The following NPAS1 variants were observed in gnomAD, a reference collection of about 807,000 sequenced individuals.
NPAS1 encodes neuronal PAS domain protein 1.
In NPAS1, 29 loss-of-function variants were observed where a neutral mutation model predicts 49.2. The ratio of observed to expected loss-of-function variants is 0.59; its 90% CI spans 0.44 to 0.80. The LOEUF (loss-of-function observed/expected upper bound fraction) is 0.80, where lower values mean the gene tolerates loss of function less well. Among genes scored for constraint, NPAS1 ranks in the 30% least tolerant of loss-of-function variants. The pLI, the probability that NPAS1 is intolerant of heterozygous loss-of-function variation, is 0.00. For missense variants in NPAS1, 825 were observed against 835.5 expected (o/e 0.99, Z 0.15); for synonymous variants, 408 against 380.4 (o/e 1.07, Z -0.84).
rs1421979672 is a variant in NPAS1, at chr19:47,025,440, A to G, written c.358+3593A>G. On this transcript the variant is annotated intron_variant, in intron 3 of 11. Coordinates refer to ENST00000602212, the MANE Select transcript of NPAS1 (RefSeq NM_002517.4). ...ATTACAGGCATGCGCCACCACGCCCAGCTAATTTTGTATTTTTAGTAGAGA... is the reference window on the plus strand; with the variant it reads ...ATTACAGGCATGCGCCACCACGCCCGGCTAATTTTGTATTTTTAGTAGAGA... 8.4e-3 allele frequency among the ~76,000 whole-genome samples: 731 copies of G among 86,648 alleles called. 69 individuals carry two copies. Among genetic ancestry groups the G allele is most frequent in the African/African-American group, 0.02 (699 of 35,378 alleles). 56.8% of individuals were successfully genotyped at this position (86,648 alleles called of 152,430 possible). A position where few individuals can be genotyped will look rare whatever the true frequency, so the allele number is the denominator to read the frequency against.
chr19:47,038,291 GCC>G (rs1273603592), intron 6 of NPAS1, among the ~76,000 whole-genome samples: 4 of 152,228 alleles, frequency 2.6e-5, no homozygotes, highest in Non-Finnish European at 1.5e-5. Context: ...GGCCGAGGCG[GCC>G]AGATCACGAG....
chr19:47,040,174 C>T (rs993720270), intron 8 of NPAS1, among the ~76,000 whole-genome samples: 1 of 152,106 alleles, frequency 6.6e-6, no homozygotes, highest in African/African-American at 2.4e-5. Context: ...AGGCGTGCAC[C>T]ACCACAACCA....
At chr19:47,023,290 G>A (rs1001840213) in intron 3 of NPAS1, among the ~76,000 whole-genome samples, 3 of 152,160 alleles carry the variant, frequency 2.0e-5, no homozygotes, top group African/African-American at 7.2e-5. Context: ...GGGGCTAAGA[G>A]AGCCCCGGCG....
chr19:47,021,130 T>A lies in NPAS1; in HGVS notation c.83T>A (p.Phe28Tyr), dbSNP rs1442306146. 1 of 1,600,036 alleles carries A rather than the reference T, an allele frequency of 6.2e-7. No homozygotes were observed. The highest frequency in any genetic ancestry group is 1.7e-5 in the Admixed American group (1 of 59,122). The change falls in exon 2 of 12, where the codon TTT (phenylalanine) becomes TAT (tyrosine). Residue 28 changes from phenylalanine to tyrosine, a missense_variant. By Grantham distance (22) the Phe-to-Tyr change is conservative. Transcript: ENST00000602212. This position sits in a 1 kb window ranked among gnomAD's most constrained non-coding sequence, Gnocchi z 5.7. ...GGRGASVPWD[F>Y]LPGLMVKAPS... Reference sequence around the variant, plus strand: ...CGCGGCGCCAGCGTCCCCTGGGACTTTCTACCCGGGCTGATGGTCAAGGCG... The same window carrying A: ...CGCGGCGCCAGCGTCCCCTGGGACTATCTACCCGGGCTGATGGTCAAGGCG...
chr19:47,037,834 A>C (rs2122520685), intron 6 of NPAS1, among the ~76,000 whole-genome samples: 1 of 152,280 alleles, frequency 6.6e-6, no homozygotes, highest in South Asian at 2.1e-4. Flanking sequence ...CATATTTTTA[A>C]GACCGTTTTG....
At position 47,019,948 on chromosome 19, in the gene NPAS1, G is replaced by T. The variant is rs1162396574; in HGVS notation, c.-92G>T. 1 of 393,576 alleles carries T rather than the reference G, an allele frequency of 2.5e-6. No homozygotes were observed. Among genetic ancestry groups the T allele is most frequent in the Admixed American group, 4.4e-5 (1 of 22,556 alleles). The allele number at this position is 393,576 out of a possible 1,614,324, so 24.4% of individuals were successfully genotyped here. ...CGCGCCGCCCGGCCGGCCCCACGCC[G>T]CGCCCGGAGCCTGCTCTGCGGCCAA... On this transcript the variant is annotated 5_prime_UTR_variant, in exon 1 of 12. Transcript: ENST00000602212.
chr19:47,026,653 T>C (rs1158703796), intron 3 of NPAS1, among the ~76,000 whole-genome samples: 1 of 151,902 alleles, frequency 6.6e-6, no homozygotes, highest in Admixed American at 6.6e-5. Flanking sequence ...TTATCTGTAG[T>C]CATACTGAAA....
At position 47,019,973 on chromosome 19, in the gene NPAS1, A is replaced by C; in HGVS notation, c.-67A>C. The C allele has an allele frequency of 2.6e-6, 1 of 389,476 alleles. No homozygotes were observed. Among genetic ancestry groups the C allele is most frequent in the East Asian group, 3.7e-5 (1 of 27,198 alleles). The allele number at this position is 389,476 out of a possible 1,614,324, so 24.1% of individuals were successfully genotyped here. On this transcript the variant is annotated 5_prime_UTR_variant, in exon 1 of 12. Transcript: ENST00000602212. ...GCGCCCGGAGCCTGCTCTGCGGCCA[A>C]GTAATCGGACTGGCGGTCCTGCGGG...
intron 3 of NPAS1, among the ~76,000 whole-genome samples, chr19:47,027,619 CGT>C (rs2056882337): frequency 2.6e-5 from 1 of 38,926 alleles, no homozygotes; most frequent in Non-Finnish European, 5.2e-5. Flanking sequence ...CCTGGTCTCC[CGT>C]CTCTCTGCCC....
chr19:47,039,620 G>T, intron 8 of NPAS1, 56 bp downstream of exon 8: 2 of 1,508,880 alleles, frequency 1.3e-6, no homozygotes, highest in Non-Finnish European at 1.8e-6. Flanking sequence ...AGATCTGGGG[G>T]TACATGGGGA....
chr19:47,042,015 A>T (rs1014248580), intron 10 of NPAS1, among the ~76,000 whole-genome samples: 3 of 136,860 alleles, frequency 2.2e-5, no homozygotes, highest in African/African-American at 8.3e-5. Flanking sequence ...AAAGGAAAAA[A>T]CACCCTTCTA....
intron 3 of NPAS1, among the ~76,000 whole-genome samples, chr19:47,031,010 A>G (rs1353713684): frequency 1.3e-5 from 2 of 151,538 alleles, no homozygotes; most frequent in Non-Finnish European, 2.9e-5. Flanking sequence ...ATTCCTTTAT[A>G]TCCCTCTGTC....
At position 47,032,487 on chromosome 19, in the gene NPAS1, A is replaced by G. The variant is rs528079636; in HGVS notation, c.432+136A>G. On this transcript the variant is annotated intron_variant, in intron 4 of 11. Transcript: ENST00000602212. The stretch of plus-strand genomic sequence containing the variant: ...GAAGGCGAATGCTCAAGATCCCTCC[A>G]CTCCCTGCCCCTTCCGAGGACCACT... The G allele has an allele frequency of 1.0e-5, 11 of 1,104,094 alleles. No homozygotes were observed. In the African/African-American group the frequency reaches 1.4e-4, roughly 14 times the overall value. The allele number at this position is 1,104,094 out of a possible 1,614,324, so 68.4% of individuals were successfully genotyped here.
In NPAS1 at chr19:47,045,068, A is replaced by C. The variant is rs1056448936; in HGVS notation, c.1313-123A>C. On this transcript the variant is annotated intron_variant, in intron 11 of 11. Transcript: ENST00000602212. ...AAACAAAAACAAAACAAACAAACAAAAAAAAAAACCCCACTCCCAGCTGAG... is the reference window on the plus strand; with the variant it reads ...AAACAAAAACAAAACAAACAAACAACAAAAAAAACCCCACTCCCAGCTGAG... The C allele has an allele frequency of 2.1e-5, 20 of 932,972 alleles. No homozygotes were observed. In the African/African-American group the frequency reaches 3.7e-4, roughly 17 times the overall value. 57.8% of individuals were successfully genotyped at this position (932,972 alleles called of 1,614,324 possible).
At chr19:47,035,729 T>C in intron 5 of NPAS1, 1 of 505,354 alleles carries the variant, frequency 2.0e-6, no homozygotes, top group South Asian at 3.1e-5. Flanking sequence ...AGCCCCTTAA[T>C]AGAGTGGGCG....
intron 6 of NPAS1, among the ~76,000 whole-genome samples, chr19:47,038,133 G>A (rs1481362145): frequency 6.6e-6 from 1 of 152,216 alleles, no homozygotes; most frequent in Admixed American, 6.5e-5. Context: ...CCTGGAGGAT[G>A]GGTCCTGAGA....
intron 3 of NPAS1, among the ~76,000 whole-genome samples, chr19:47,024,005 T>G (rs2056857524): frequency 6.6e-6 from 1 of 151,912 alleles, no homozygotes; most frequent in Non-Finnish European, 1.5e-5. Context: ...CTCCGGAGGC[T>G]AAGGCAGGGG....
In NPAS1 at chr19:47,040,460, G is replaced by A. The variant is rs1209830135; in HGVS notation, c.979G>A (p.Asp327Asn). 6.3e-7 allele frequency: 1 copy of A among 1,599,444 alleles called. No homozygotes were observed. The highest frequency in any genetic ancestry group is 1.1e-5 in the South Asian group (1 of 88,398). ...ACCCCCCAGAGTCAGCGACCACATG[G>A]ACCTGGGGCCCTCAGAGCTGGTGGG... Reference protein sequence around the residue: ...ACESRVSDHMDLGPSELVGRS... With the variant: ...ACESRVSDHMNLGPSELVGRS... The change falls in exon 9 of 12, where the codon GAC becomes AAC. Residue 327 changes from aspartate to asparagine, a missense_variant. By Grantham distance (23) the Asp-to-Asn change is conservative. Transcript: ENST00000602212.
chr19:47,034,867 AC>A (rs2056936166), intron 5 of NPAS1, among the ~76,000 whole-genome samples: 2 of 150,900 alleles, frequency 1.3e-5, no homozygotes, highest in Admixed American at 1.3e-4. Flanking sequence ...CGAGAGCAAA[AC>A]CCCATCTCAA....
Sources: allele counts gnomAD v4.1 joint callset (sites outside exome capture counted in the v4.1 genomes callset), GRCh38; gene constraint gnomAD v4.1.1; non-coding constraint Gnocchi (gnomAD v3.1); transcripts MANE v1.5; gene names NCBI Gene and HGNC (gene_info 2026-07-23, HGNC 2026-07-21).